Variants in PEX3 observed in about 807,000 individuals in gnomAD.
PEX3 encodes peroxisomal biogenesis factor 3, also known as peroxin-3.
Under a neutral mutation model 55.8 loss-of-function variants are expected in PEX3, and 30 were observed. That is an observed-to-expected ratio of 0.54 (90% CI 0.40 to 0.73). PEX3 has a LOEUF of 0.73. PEX3 is among the 30% of genes least tolerant of loss of function. PEX3 has a pLI of 0.00. For synonymous variants in PEX3, 135 were observed against 148.4 expected, an observed-to-expected ratio of 0.91 and a Z score of 0.66; for missense variants, 351 against 432.8, an observed-to-expected ratio of 0.81 and a Z score of 1.68.
chr6:143,484,987 CAATT>C (rs2128747998), intron 10 of PEX3, 161 bp from the exon 11 acceptor site: 1 of 605,116 alleles, frequency 1.7e-6, no homozygotes, highest in East Asian at 2.8e-5. Context: ...GTCATGATGT[CAATT>C]AGAGTTGTTA....
rs1341671061 is a variant in PEX3, at chr6:143,489,380, T to A, written c.*154T>A. The A allele has an allele frequency of 3.4e-6, 2 of 596,910 alleles. No individual in the cohort carries two copies. Among genetic ancestry groups the A allele is most frequent in the Non-Finnish European group, 6.0e-6 (2 of 334,302 alleles). The allele number at this position is 596,910 out of a possible 1,614,324, so 37.0% of individuals were successfully genotyped here. ...CATTTCATAATGAAATCAATTTATT[T>A]GGCATCTTAATATATTTTTTTAGAT... On this transcript the variant is annotated 3_prime_UTR_variant, in exon 12 of 12. Transcript: ENST00000367591. The surrounding 1 kb of genome is among the most constrained non-coding windows in gnomAD (Gnocchi z 5.5).
Position 143,451,156 on chromosome 6 carries a change from G to T in PEX3, c.73+41G>T, listed in dbSNP as rs746158756. The T allele has an allele frequency of 7.4e-7, 1 of 1,342,998 alleles. No individual in the cohort carries two copies. Among genetic ancestry groups the T allele is most frequent in the Non-Finnish European group, 1.1e-6 (1 of 932,402 alleles). The allele number at this position is 1,342,998 out of a possible 1,614,324, so 83.2% of individuals were successfully genotyped here. On this transcript the variant is annotated intron_variant, in intron 1 of 11. Transcript: ENST00000367591. The surrounding 1 kb of genome is among the most constrained non-coding windows in gnomAD (Gnocchi z 4.1). ...CTTGAAAGGGGGCATTGGGAGAAGGGGGTGGGAGAGGTGACTTCTTCTAAA... is the reference window on the plus strand; with the variant it reads ...CTTGAAAGGGGGCATTGGGAGAAGGTGGTGGGAGAGGTGACTTCTTCTAAA...
In PEX3 at chr6:143,488,084, C is replaced by T. The variant is rs1300016859; in HGVS notation, c.1039-1059C>T. 2.0e-5 allele frequency among the ~76,000 whole-genome samples: 3 copies of T among 152,044 alleles called. No homozygotes were observed. The highest frequency in any genetic ancestry group is 7.2e-5 in the African/African-American group (3 of 41,404). Reference sequence around the variant, plus strand: ...TGATCTAAACCTATGTTTCATTGAACACCTAGACTGAATACTTGAAACTAA... The same window carrying T: ...TGATCTAAACCTATGTTTCATTGAATACCTAGACTGAATACTTGAAACTAA... On this transcript the variant is annotated intron_variant, in intron 11 of 11. Coordinates refer to ENST00000367591, the MANE Select transcript of PEX3 (RefSeq NM_003630.3). This position sits in a 1 kb window ranked among gnomAD's most constrained non-coding sequence, Gnocchi z 4.9.
At chr6:143,460,935 C>A (rs7746798) in intron 2 of PEX3, among the ~76,000 whole-genome samples, 5,487 of 151,526 alleles carry the variant, frequency 0.036, 340 homozygotes, top group African/African-American at 0.13. Flanking sequence ...TGACATGGAC[C>A]CTTGTGTCAG....
rs901648945 is a variant in PEX3, at chr6:143,485,426, A to T, written c.1038+178A>T. Among the ~76,000 whole-genome samples, 1 of 152,088 alleles carries T rather than the reference A, an allele frequency of 6.6e-6. No individual in the cohort carries two copies. Among genetic ancestry groups the T allele is most frequent in the Non-Finnish European group, 1.5e-5 (1 of 67,978 alleles). On this transcript the variant is annotated intron_variant, in intron 11 of 11. Coordinates refer to ENST00000367591, the MANE Select transcript of PEX3 (RefSeq NM_003630.3). The surrounding 1 kb of genome is among the most constrained non-coding windows in gnomAD (Gnocchi z 5.6). Reference sequence around the variant, plus strand: ...TGAGAGTAATAACGGACCATAGCAAATGTGTAAGTTTGGAGTACCTTTCTC... The same window carrying T: ...TGAGAGTAATAACGGACCATAGCAATTGTGTAAGTTTGGAGTACCTTTCTC...
Position 143,462,961 on chromosome 6 carries a change from T to C in PEX3, c.251T>C (p.Leu84Pro). The change falls in exon 3 of 12, where the codon CTG becomes CCG. Residue 84 changes from leucine to proline, a missense_variant. Leu to Pro is a moderately conservative substitution (Grantham distance 98). Coordinates refer to ENST00000367591, the MANE Select transcript of PEX3 (RefSeq NM_003630.3). This position sits in a 1 kb window ranked among gnomAD's most constrained non-coding sequence, Gnocchi z 4.1. ...CTGAGAGAGGCCTTAATGCAGCAAC[T>C]GAATTCCGAGAGCCTCACAGCTCTG... ...PTLREALMQQ[L>P]NSESLTALLK... 6.2e-7 allele frequency: 1 copy of C among 1,613,896 alleles called. No homozygotes were observed. Among genetic ancestry groups the C allele is most frequent in the Non-Finnish European group, 8.5e-7 (1 of 1,179,808 alleles).
Position 143,455,983 on chromosome 6 carries a change from T to G in PEX3, c.74-3102T>G, listed in dbSNP as rs560534304. On this transcript the variant is annotated intron_variant, in intron 1 of 11. Transcript: ENST00000367591. ...AGAAAGAGAAGACTAAGAGATGGTT[T>G]TAAAACAACTGAATTGTGGAAAGAC... is the stretch of plus-strand genomic sequence containing the variant. 4.6e-4 allele frequency among the ~76,000 whole-genome samples: 70 copies of G among 152,332 alleles called. 1 individual carries two copies. Among genetic ancestry groups the G allele is most frequent in the African/African-American group, 1.6e-3 (67 of 41,568 alleles).
rs1780158899 is a variant in PEX3 at position 143,476,749 on chromosome 6, A to G, written c.818+1893A>G. Among the ~76,000 whole-genome samples, 1 of 152,208 alleles carries G rather than the reference A, an allele frequency of 6.6e-6. No individual in the cohort carries two copies. The highest frequency in any genetic ancestry group is 2.4e-5 in the African/African-American group (1 of 41,444). On this transcript the variant is annotated intron_variant, in intron 9 of 11. Transcript: ENST00000367591. This position sits in a 1 kb window ranked among gnomAD's most constrained non-coding sequence, Gnocchi z 5.4. ...CAGTGTTAAGCATATCCAAGTGGAT[A>G]TGCCTATTGGCAATTGAATATGCAA...
At chr6:143,484,950 T>G (rs562556617) in intron 10 of PEX3, 1 of 548,518 alleles carries the variant, frequency 1.8e-6, no homozygotes, top group Non-Finnish European at 3.3e-6. Flanking sequence ...AACAAAGATA[T>G]GTGTAAAAAA....
rs539123209 is a variant in PEX3 at position 143,465,249 on chromosome 6, A to G, written c.287+2252A>G. Among the ~76,000 whole-genome samples the G allele has an allele frequency of 6.6e-6, 1 of 152,134 alleles. No homozygotes were observed. Among genetic ancestry groups the G allele is most frequent in the Admixed American group, 6.5e-5 (1 of 15,280 alleles). On this transcript the variant is annotated intron_variant, in intron 3 of 11. Transcript: ENST00000367591. This position sits in a 1 kb window ranked among gnomAD's most constrained non-coding sequence, Gnocchi z 4.7. Reference sequence around the variant, plus strand: ...GAAGGTACTTTTCTCTGTTCTACATAGATTTGGAATCTTTTATGTAGATTT... The same window carrying G: ...GAAGGTACTTTTCTCTGTTCTACATGGATTTGGAATCTTTTATGTAGATTT...
rs768045518 is a variant in PEX3 at position 143,470,990 on chromosome 6, A to G, written c.361A>G (p.Ser121Gly). The G allele has an allele frequency of 6.2e-7, 1 of 1,613,078 alleles. No homozygotes were observed. Among genetic ancestry groups the G allele is most frequent in the Admixed American group, 1.7e-5 (1 of 60,026 alleles). Residue 121 changes from serine to glycine, a missense_variant, in exon 5 of 12, where the codon AGT becomes GGT. Ser to Gly is a moderately conservative substitution (Grantham distance 56, BLOSUM62 0). Coordinates refer to ENST00000367591, the MANE Select transcript of PEX3 (RefSeq NM_003630.3). ...SFTRSTVAVY[S>G]TCMLVVLLRV... The stretch of plus-strand genomic sequence containing the variant: ...CACAAGAAGTACTGTGGCTGTATAC[A>G]GTACCTGTATGCTGGTTGTTCTTTT...
intron 8 of PEX3, 49 bp from the exon 9 acceptor site, chr6:143,474,737 C>A: frequency 1.1e-6 from 1 of 907,696 alleles, no homozygotes; most frequent in Non-Finnish European, 1.9e-6. Context: ...TTCATCATAA[C>A]CCTGTGCTAA....
rs1436279806 is a variant in PEX3, at chr6:143,458,456, A to G, written c.74-629A>G. Among the ~76,000 whole-genome samples, 2 of 152,138 alleles carry G rather than the reference A, an allele frequency of 1.3e-5. No homozygotes were observed. ...GGATAAATAGACTTCTGCCTGACTA[A>G]CTACCTTTCTTTCATTGTTCCTTTT... is the stretch of plus-strand genomic sequence containing the variant. On this transcript the variant is annotated intron_variant, in intron 1 of 11. Coordinates refer to ENST00000367591, the MANE Select transcript of PEX3 (RefSeq NM_003630.3). The surrounding 1 kb of genome is among the most constrained non-coding windows in gnomAD (Gnocchi z 6.1).
rs776672593 is a variant in PEX3 at position 143,459,055 on chromosome 6, A to C, written c.74-30A>C. ...ACTGTGTAGAATTTTTGGTACTCTA[A>C]TGAATATAGTACTTTTTTAATGATT... On this transcript the variant is annotated intron_variant, in intron 1 of 11. Transcript: ENST00000367591. This position sits in a 1 kb window ranked among gnomAD's most constrained non-coding sequence, Gnocchi z 4.2. 15 of 1,478,034 alleles carry C rather than the reference A, an allele frequency of 1.0e-5. No individual in the cohort carries two copies. The highest frequency in any genetic ancestry group is 1.7e-4 in the Middle Eastern group (1 of 5,824). 91.6% of individuals were successfully genotyped at this position (1,478,034 alleles called of 1,614,324 possible). A position where few individuals can be genotyped will look rare whatever the true frequency, so the allele number is the denominator to read the frequency against.
rs1373088796 is a variant in PEX3 at position 143,451,556 on chromosome 6, T to C, written c.73+441T>C. Among the ~76,000 whole-genome samples, 4 of 152,156 alleles carry C rather than the reference T, an allele frequency of 2.6e-5. No homozygotes were observed. The highest frequency in any genetic ancestry group is 5.9e-5 in the Non-Finnish European group (4 of 68,012). On this transcript the variant is annotated intron_variant, in intron 1 of 11. Coordinates refer to ENST00000367591, the MANE Select transcript of PEX3 (RefSeq NM_003630.3). This position sits in a 1 kb window ranked among gnomAD's most constrained non-coding sequence, Gnocchi z 4.1. Reference sequence around the variant, plus strand: ...AGTTACCTATAGGCTGCACTTCGGGTGGTGGTTAAAGTCGATTTGAATTTT... The same window carrying C: ...AGTTACCTATAGGCTGCACTTCGGGCGGTGGTTAAAGTCGATTTGAATTTT...
In PEX3 at chr6:143,451,068, T is replaced by C. The variant is rs778178265; in HGVS notation, c.26T>C (p.Leu9Pro). The C allele has an allele frequency of 6.2e-7, 1 of 1,613,794 alleles. No homozygotes were observed. Among genetic ancestry groups the C allele is most frequent in the Non-Finnish European group, 8.5e-7 (1 of 1,179,778 alleles). The change falls in exon 1 of 12, where the codon CTG (leucine) becomes CCG (proline). Residue 9 changes from leucine (L) to proline (P), a missense_variant. Physicochemically the swap from Leu to Pro is moderately conservative, Grantham distance 98. Transcript: ENST00000367591. This position sits in a 1 kb window ranked among gnomAD's most constrained non-coding sequence, Gnocchi z 4.1. ...ATGCTGAGGTCTGTATGGAATTTTC[T>C]GAAACGCCACAAAAAGAAATGCATC... is the stretch of plus-strand genomic sequence containing the variant. The part of the protein sequence containing the change: MLRSVWNF[L>P]KRHKKKCIFL...
intron 10 of PEX3, among the ~76,000 whole-genome samples, chr6:143,480,801 A>T (rs1278590110): frequency 6.6e-6 from 1 of 152,142 alleles, no homozygotes; most frequent in Non-Finnish European, 1.5e-5. Flanking sequence ...GCACGAGCCC[A>T]GGAGTTCAAG....
At chr6:143,474,698 T>C in intron 8 of PEX3, 88 bp from the exon 9 acceptor site, 1 of 808,272 alleles carries the variant, frequency 1.2e-6, no homozygotes, top group Non-Finnish European at 2.2e-6. Flanking sequence ...TTAGATTTCC[T>C]AAACTCTTTA....
At chr6:143,455,829 G>C (rs545200791) in intron 1 of PEX3, among the ~76,000 whole-genome samples, 6 of 152,266 alleles carry the variant, frequency 3.9e-5, no homozygotes, top group Admixed American at 1.3e-4. Flanking sequence ...TAGAAAATGT[G>C]TCTGAAATAG....
Sources: allele counts gnomAD v4.1 joint callset (sites outside exome capture counted in the v4.1 genomes callset), GRCh38; gene constraint gnomAD v4.1.1; non-coding constraint Gnocchi (gnomAD v3.1); transcripts MANE v1.5; gene names NCBI Gene and HGNC (gene_info 2026-07-23, HGNC 2026-07-21).